The following ZNF333 variants were observed in gnomAD, a reference collection of about 807,000 sequenced individuals.
The protein encoded by ZNF333 is zinc finger protein 333.
Under a neutral mutation model 76.1 loss-of-function variants are expected in ZNF333, and 61 were observed. The observed-to-expected ratio is 0.80, with a 90% CI of 0.65 to 0.99. ZNF333 has a LOEUF of 0.99. Among genes scored for constraint, ZNF333 ranks in the 50% least tolerant of loss-of-function variants. The pLI, the probability that ZNF333 is intolerant of heterozygous loss-of-function variation, is 0.00. For synonymous variants in ZNF333, 284 were observed against 305.0 expected, an observed-to-expected ratio of 0.93 and a Z score of 0.72; for missense variants, 717 against 822.4, an observed-to-expected ratio of 0.87 and a Z score of 1.57.
At chr19:14,694,803 C>T (rs986661110) in intron 2 of ZNF333, among the ~76,000 whole-genome samples, 3 of 152,170 alleles carry the variant, frequency 2.0e-5, no homozygotes, top group Middle Eastern at 3.2e-3. Context: ...TCAGTTCTGC[C>T]GTTGTGGCCT....
rs1473850243 is a variant in ZNF333, at chr19:14,719,465, A to G, written c.*140A>G. On this transcript the variant is annotated 3_prime_UTR_variant, in exon 12 of 12. Transcript: ENST00000292530. ...ATTGTCTTAACCTCCATTATCGTTT[A>G]TTCTTTGACCCATCTATTATTTGGA... is the stretch of plus-strand genomic sequence containing the variant. The G allele has an allele frequency of 4.4e-6, 5 of 1,132,324 alleles. No homozygotes were observed. The highest frequency in any genetic ancestry group is 3.1e-5 in the Admixed American group (1 of 32,312). The allele number at this position is 1,132,324 out of a possible 1,614,324, so 70.1% of individuals were successfully genotyped here. A position where few individuals can be genotyped will look rare whatever the true frequency, so the allele number is the denominator to read the frequency against.
At chr19:14,710,737 C>T (rs996026801) in intron 7 of ZNF333, among the ~76,000 whole-genome samples, 1 of 152,152 alleles carries the variant, frequency 6.6e-6, no homozygotes, top group Admixed American at 6.5e-5. Flanking sequence ...AAGATTGCGC[C>T]ACTGCACTCC....
At chr19:14,705,490 A>G (rs2042082721) in intron 6 of ZNF333, among the ~76,000 whole-genome samples, 1 of 152,134 alleles carries the variant, frequency 6.6e-6, no homozygotes, top group South Asian at 2.1e-4. Flanking sequence ...ACTGACAGGA[A>G]CTGGCAGGTC....
chr19:14,732,778 A>G (rs1248819520), exon 12 of ZNF333: 2 of 152,250 alleles, frequency 1.3e-5, no homozygotes, highest in Admixed American at 6.5e-5. Context: ...TTTTCATATC[A>G]CAATGGAAGT....
At position 14,706,746 on chromosome 19, in the gene ZNF333, C is replaced by T. The variant is rs199652435; in HGVS notation, c.484C>T (p.Arg162Cys). The T allele has an allele frequency of 1.5e-5, 25 of 1,613,762 alleles. No individual in the cohort carries two copies. The highest frequency in any genetic ancestry group is 6.7e-5 in the East Asian group (3 of 44,866). The stretch of plus-strand genomic sequence containing the variant: ...GATACCAGTGCCTACTCTGGGCCAC[C>T]GCAACCCATGGGTGGCCAGGGATTC... The part of the protein sequence containing the change: ...VVIPVPTLGH[R>C]NPWVARDSAV... Residue 162 changes from arginine (R) to cysteine (C), a missense_variant, in exon 7 of 12, where the codon CGC becomes TGC. Arg to Cys is a radical substitution (Grantham distance 180, BLOSUM62 -3). Transcript: ENST00000292530.
chr19:14,694,308 A>T (rs1973002801), intron 2 of ZNF333, among the ~76,000 whole-genome samples: 1 of 152,100 alleles, frequency 6.6e-6, no homozygotes, highest in South Asian at 2.1e-4. Context: ...CTCTGTCTCT[A>T]CTAAAAATAC....
rs2042430495 is a variant in ZNF333, at chr19:14,716,322, G to A, written c.727+84G>A. On this transcript the variant is annotated intron_variant, in intron 9 of 11. Transcript: ENST00000292530. ...TGCCTAGGCTGGAGTGTGATGGCGT[G>A]ACCTTGGCTCACTGCAACCTCCGCT... The A allele has an allele frequency of 2.0e-6, 3 of 1,494,794 alleles. No homozygotes were observed. In the African/African-American group the frequency reaches 4.2e-5, roughly 21 times the overall value. The allele number at this position is 1,494,794 out of a possible 1,614,324, so 92.6% of individuals were successfully genotyped here.
chr19:14,695,113 G>A lies in ZNF333; in HGVS notation c.107G>A (p.Cys36Tyr). The change falls in exon 3 of 12, where the codon TGC becomes TAC. Residue 36 changes from cysteine to tyrosine, a missense_variant. Coordinates refer to ENST00000292530, the MANE Select transcript of ZNF333 (RefSeq NM_032433.4). ...SLCKYRMLDQ[C>Y]RTLASRGTPP... ...TGCAAATACAGGATGCTTGACCAGT[G>A]CAGGACCCTGGCCTCCAGGGGTAAG... 1 of 1,613,888 alleles carries A rather than the reference G, an allele frequency of 6.2e-7. No homozygotes were observed. The highest frequency in any genetic ancestry group is 1.1e-5 in the South Asian group (1 of 91,084).
rs951773469 is a variant in ZNF333 at position 14,695,136 on chromosome 19, A to G, written c.127+3A>G. The G allele has an allele frequency of 6.2e-7, 1 of 1,612,858 alleles. No individual in the cohort carries two copies. Among genetic ancestry groups the G allele is most frequent in the Middle Eastern group, 1.7e-4 (1 of 5,960 alleles). ...GTGCAGGACCCTGGCCTCCAGGGGTAAGGCTGGCGTCACCTGGCTCCTTCC... is the reference window on the plus strand; with the variant it reads ...GTGCAGGACCCTGGCCTCCAGGGGTGAGGCTGGCGTCACCTGGCTCCTTCC... On this transcript the variant is annotated splice_donor_region_variant and intron_variant, in intron 3 of 11. Transcript: ENST00000292530.
intron 8 of ZNF333, 144 bp downstream of exon 8, chr19:14,715,614 G>A: frequency 1.4e-6 from 1 of 723,176 alleles, no homozygotes; most frequent in African/African-American, 1.7e-5. Flanking sequence ...GTGTCAGCAA[G>A]GGAGCATGGG....
chr19:14,697,776 A>G (rs1451765767), intron 4 of ZNF333, among the ~76,000 whole-genome samples: 4 of 152,198 alleles, frequency 2.6e-5, no homozygotes, highest in Admixed American at 2.6e-4. Context: ...CTGTCGTACC[A>G]CTTTCCAACA....
intron 5 of ZNF333, chr19:14,700,294 T>A (rs1476588595): frequency 6.6e-6 from 1 of 152,348 alleles, no homozygotes; most frequent in African/African-American, 2.4e-5. Flanking sequence ...TAGCTGGGAC[T>A]ACAGGTGTGA....
chr19:14,714,525 C>T (rs897507872), intron 7 of ZNF333, among the ~76,000 whole-genome samples: 6 of 152,138 alleles, frequency 3.9e-5, no homozygotes, highest in African/African-American at 9.7e-5. Context: ...TTGGACTCCT[C>T]GTCTCTAAAA....
At chr19:14,730,349 C>G (rs1329319157) in intron 11 of ZNF333, among the ~76,000 whole-genome samples, 1 of 152,120 alleles carries the variant, frequency 6.6e-6, no homozygotes, top group Non-Finnish European at 1.5e-5. Flanking sequence ...ACCACCGTGC[C>G]CGGCCACTGT....
chr19:14,720,191 T>C lies in ZNF333; in HGVS notation c.*866T>C. Reference sequence around the variant, plus strand: ...ACAGAGTGAAACTCTGTCTCAAAAATAATAATAATAAAAAAAAGCTTCCAT... The same window carrying C: ...ACAGAGTGAAACTCTGTCTCAAAAACAATAATAATAAAAAAAAGCTTCCAT... On this transcript the variant is annotated 3_prime_UTR_variant, in exon 12 of 12. Transcript: ENST00000292530. 2 of 979,810 alleles carry C rather than the reference T, an allele frequency of 2.0e-6. No individual in the cohort carries two copies. The highest frequency in any genetic ancestry group is 2.4e-6 in the Non-Finnish European group (2 of 825,246). 60.7% of individuals were successfully genotyped at this position (979,810 alleles called of 1,614,324 possible).
At chr19:14,712,225 GT>G (rs113959603) in intron 7 of ZNF333, among the ~76,000 whole-genome samples, 55 of 143,794 alleles carry the variant, frequency 3.8e-4, no homozygotes, top group South Asian at 4.4e-4. Flanking sequence ...GGTGATGAGT[GT>G]TTTTTTTTTT....
chr19:14,693,515 T>C lies in ZNF333; in HGVS notation c.3+21T>C, dbSNP rs772994215. ...TCATGGTGAGGAAACTGGGGGCTCC[T>C]GTGGCTGAAGGGGTGGATATGTAGG... is the stretch of plus-strand genomic sequence containing the variant. On this transcript the variant is annotated intron_variant, in intron 2 of 11. Transcript: ENST00000292530. 5 of 1,599,810 alleles carry C rather than the reference T, an allele frequency of 3.1e-6. No individual in the cohort carries two copies. In the East Asian group the frequency reaches 8.9e-5, roughly 29 times the overall value.
downstream of ZNF333, among the ~76,000 whole-genome samples, chr19:14,722,277 T>C (rs1226290697): frequency 3.9e-5 from 6 of 152,230 alleles, no homozygotes; most frequent in Non-Finnish European, 7.3e-5. Flanking sequence ...AGGTGGAGTT[T>C]ATTTCTCCAA....
In ZNF333 at chr19:14,705,206, G is replaced by A. The variant is rs765475611; in HGVS notation, c.423+36G>A. ...GAGAGGTTCACTGTGATGGCACCAG[G>A]TGCAGTCAGGAAGGCCTGGGGTGTG... On this transcript the variant is annotated intron_variant, in intron 6 of 11. Transcript: ENST00000292530. The A allele has an allele frequency of 3.1e-6, 5 of 1,593,062 alleles. No homozygotes were observed. In the African/African-American group the frequency reaches 5.4e-5, roughly 17 times the overall value.
Sources: allele counts gnomAD v4.1 joint callset (sites outside exome capture counted in the v4.1 genomes callset), GRCh38; gene constraint gnomAD v4.1.1; transcripts MANE v1.5; gene names NCBI Gene and HGNC (gene_info 2026-07-23, HGNC 2026-07-21).